Variants in CASK observed in about 807,000 individuals in gnomAD.
CASK encodes calcium/calmodulin dependent serine protein kinase.
A neutral mutation model predicts 82.9 loss-of-function variants in CASK; 4 were observed. The observed-to-expected ratio is 0.05, with a 90% CI of 0.02 to 0.11. The LOEUF (loss-of-function observed/expected upper bound fraction) is 0.11, where lower values mean the gene tolerates loss of function less well. Ranked by LOEUF, CASK falls within the 10% of genes least tolerant of loss-of-function variation. The pLI is 1.00. For missense variants in CASK, 358 were observed against 720.9 expected (o/e 0.50, Z 5.76); for synonymous variants, 259 against 253.5 (o/e 1.02, Z -0.20).
intron 5 of CASK, chrX:41,724,190 A>T (rs1241787494): frequency 8.9e-6 from 1 of 112,664 alleles, no homozygotes; most frequent in Non-Finnish European, 1.9e-5. Context: ...CACACTGACT[A>T]AAGATATTGG....
At chrX:41,858,491 GC>G (rs1349745010) in intron 1 of CASK, among the ~76,000 whole-genome samples, 1 of 111,659 alleles carries the variant, frequency 9.0e-6, no homozygotes, top group Non-Finnish European at 1.9e-5. Flanking sequence ...GAAATGCAGG[GC>G]AGCCAGTGCC....
chrX:41,775,366 A>G (rs2069338187), intron 3 of CASK, among the ~76,000 whole-genome samples: 1 of 110,250 alleles, frequency 9.1e-6, no homozygotes, highest in Non-Finnish European at 1.9e-5. Context: ...AATGGCAATC[A>G]TTAAAAAGTC....
intron 2 of CASK, among the ~76,000 whole-genome samples, chrX:41,840,403 T>C (rs1000584366): frequency 8.9e-6 from 1 of 112,347 alleles, no homozygotes; most frequent in Non-Finnish European, 1.9e-5. Flanking sequence ...AAGAAAGCGA[T>C]AGACTTTTAT....
chrX:41,838,356 TTTTG>T (rs1386948017), intron 2 of CASK, among the ~76,000 whole-genome samples: 5 of 112,632 alleles, frequency 4.4e-5, no homozygotes, highest in African/African-American at 9.7e-5. Flanking sequence ...TGTTGAGGTT[TTTTG>T]TTTTTCTTTT....
intron 5 of CASK, chrX:41,696,280 A>T (rs753356228): frequency 1.7e-6 from 2 of 1,193,453 alleles, no homozygotes; most frequent in Non-Finnish European, 2.3e-6. Flanking sequence ...GCAAAAGGAG[A>T]AGCCATTTTT....
intron 17 of CASK, among the ~76,000 whole-genome samples, chrX:41,560,847 C>T (rs896495286): frequency 4.6e-5 from 5 of 108,818 alleles, no homozygotes; most frequent in East Asian, 5.9e-4. Flanking sequence ...GCTGAGATCA[C>T]GCCATTGCAC....
chrX:41,595,782 C>T (rs1421521345), intron 12 of CASK, among the ~76,000 whole-genome samples: 2 of 111,288 alleles, frequency 1.8e-5, no homozygotes, highest in African/African-American at 6.5e-5. Flanking sequence ...TCATCCAGAT[C>T]TCCTCAGCTT....
At chrX:41,564,398 G>A (rs1453505372) in intron 16 of CASK, among the ~76,000 whole-genome samples, 1 of 111,469 alleles carries the variant, frequency 9.0e-6, no homozygotes, top group East Asian at 2.8e-4. Context: ...GTCTCTCTCC[G>A]ACACCCAGGT....
At chrX:41,587,096 A>G in intron 13 of CASK, 109 bp from the exon 14 acceptor site, 2 of 497,374 alleles carry the variant, frequency 4.0e-6, no homozygotes, top group Non-Finnish European at 6.8e-6. Flanking sequence ...CAGGCAAAAC[A>G]ATTATTTTGA....
In CASK at chrX:41,902,134, G is replaced by A. The variant is rs951714224; in HGVS notation, c.59+20796C>T. Reference sequence around the variant, plus strand: ...AGCATGGAGCCATGGAGACTAGTATGTGTACATATATATTAGGTCTACATA... The same window carrying A: ...AGCATGGAGCCATGGAGACTAGTATATGTACATATATATTAGGTCTACATA... On this transcript the variant is annotated intron_variant, in intron 1 of 26. Coordinates refer to ENST00000378163, the MANE Select transcript of CASK (RefSeq NM_001367721.1). Among the ~76,000 whole-genome samples the A allele has an allele frequency of 3.6e-5, 4 of 111,789 alleles. No homozygotes were observed. In the Admixed American group the frequency reaches 3.8e-4, roughly 11 times the overall value.
chrX:41,594,516 A>T (rs62587028), intron 12 of CASK, among the ~76,000 whole-genome samples: 12,632 of 111,415 alleles, frequency 0.11, 710 homozygotes, highest in Middle Eastern at 0.17. Context: ...TCTCTGTGTG[A>T]GAGAGAGTCC....
chrX:41,613,271 A>G (rs1212739309), intron 11 of CASK, among the ~76,000 whole-genome samples: 1 of 107,949 alleles, frequency 9.3e-6, no homozygotes, highest in African/African-American at 3.4e-5. Flanking sequence ...GAGACTTTTC[A>G]TTTTGTTCTG....
At chrX:41,865,636 T>C (rs745592697) in intron 1 of CASK, among the ~76,000 whole-genome samples, 1 of 111,605 alleles carries the variant, frequency 9.0e-6, no homozygotes, top group African/African-American at 3.3e-5. Flanking sequence ...GTACCCTGGA[T>C]GTTTTGCTTA....
chrX:41,685,163 C>T (rs938088760), intron 5 of CASK, among the ~76,000 whole-genome samples: 11 of 112,075 alleles, frequency 9.8e-5, no homozygotes, highest in African/African-American at 3.6e-4. Flanking sequence ...TATGCTTTCA[C>T]TTTGCAATAG....
intron 6 of CASK, among the ~76,000 whole-genome samples, chrX:41,669,817 G>A (rs938651635): frequency 8.9e-6 from 1 of 111,769 alleles, no homozygotes; most frequent in Non-Finnish European, 1.9e-5. Context: ...CCTGTAGTTA[G>A]AGTGTTCAGT....
At chrX:41,888,996 G>A (rs1394805149) in intron 1 of CASK, among the ~76,000 whole-genome samples, 1 of 109,207 alleles carries the variant, frequency 9.2e-6, no homozygotes, top group Non-Finnish European at 1.9e-5. Context: ...CTTTTCCTTT[G>A]GGTAGATACC....
intron 16 of CASK, among the ~76,000 whole-genome samples, chrX:41,565,395 A>G (rs2065296031): frequency 8.9e-6 from 1 of 112,014 alleles, no homozygotes; most frequent in East Asian, 2.8e-4. Flanking sequence ...TAAAAATGAT[A>G]AACGGGATAT....
At position 41,739,450 on chromosome X, in the gene CASK, A is replaced by G. The variant is rs41431245; in HGVS notation, c.363T>C (p.Tyr121=). ...GTAGAGCTTCCAGTATCTGTCTCATATAATGGCTGTAAAAAACAAAAGAAA... is the reference window on the plus strand; with the variant it reads ...GTAGAGCTTCCAGTATCTGTCTCATGTAATGGCTGTAAAAAACAAAAGAAA... ...FVYSEAVASH[Y]MRQILEALRY... is the part of the protein sequence containing the mutation. The change falls in exon 5 of 27, where the codon TAT becomes TAC. Residue 121 remains tyrosine (Y), a synonymous_variant. Transcript: ENST00000378163. The G allele has an allele frequency of 4.1e-3, 4,703 of 1,148,328 alleles. 71 individuals carry two copies. In the Admixed American group the frequency reaches 0.053, roughly 13 times the overall value. 94.6% of individuals were successfully genotyped at this position (1,148,328 alleles called of 1,213,427 possible). A position where few individuals can be genotyped will look rare whatever the true frequency, so the allele number is the denominator to read the frequency against.
chrX:41,672,547 A>C (rs1161708899), intron 5 of CASK, among the ~76,000 whole-genome samples: 1 of 111,620 alleles, frequency 9.0e-6, no homozygotes, highest in Non-Finnish European at 1.9e-5. Flanking sequence ...AAAAGGACAC[A>C]GTTTTTGTTC....
Sources: gnomAD v4.1 joint callset for allele counts (sites outside exome capture counted in the v4.1 genomes callset) on GRCh38, gnomAD v4.1.1 for gene constraint, MANE v1.5 for transcripts, NCBI Gene and HGNC (gene_info 2026-07-23, HGNC 2026-07-21) for gene names.